The following HSPA12A variants were observed in gnomAD, a reference collection of about 807,000 sequenced individuals.
HSPA12A encodes the protein heat shock 70 kDa protein 12A.
HSPA12A carries 28 observed loss-of-function variants against 69.2 expected under a neutral mutation model. That is an observed-to-expected ratio of 0.40 (90% CI 0.30 to 0.55). The LOEUF (loss-of-function observed/expected upper bound fraction) is 0.55, where lower values mean the gene tolerates loss of function less well. HSPA12A is among the 20% of genes least tolerant of loss of function. The probability of loss-of-function intolerance (pLI) is 0.38; values close to 1 mark genes in which losing one functional copy is unlikely to be tolerated. For synonymous variants in HSPA12A, 345 were observed against 370.5 expected, an observed-to-expected ratio of 0.93 and a Z score of 0.79; for missense variants, 686 against 900.7, an observed-to-expected ratio of 0.76 and a Z score of 3.05.
At chr10:116,798,692 C>T (rs1179740602) in intron 2 of HSPA12A, among the ~76,000 whole-genome samples, 1 of 152,130 alleles carries the variant, frequency 6.6e-6, no homozygotes, top group Non-Finnish European at 1.5e-5. Flanking sequence ...GGTCTCATGA[C>T]TACATTCATT....
intron 2 of HSPA12A, among the ~76,000 whole-genome samples, chr10:116,769,456 A>C (rs951475267): frequency 1.3e-5 from 2 of 152,140 alleles, no homozygotes; most frequent in Admixed American, 6.5e-5. Flanking sequence ...CTTGGGGTGA[A>C]AGGTCCCCAC....
intron 9 of HSPA12A, 127 bp from the exon 10 acceptor site, chr10:116,679,888 T>TAAA: frequency 3.4e-6 from 3 of 879,630 alleles, no homozygotes; most frequent in Non-Finnish European, 5.3e-6. Flanking sequence ...CTATAAGTGT[T>TAAA]TACTTACACT....
upstream of HSPA12A, chr10:116,849,889 A>G (rs1846018812): frequency 3.4e-6 from 3 of 869,828 alleles, no homozygotes; most frequent in Non-Finnish European, 5.6e-6. Context: ...GGAGGGAAGG[A>G]GCGGGAAGGA....
chr10:116,781,688 A>G (rs1243900363), intron 2 of HSPA12A, among the ~76,000 whole-genome samples: 3 of 152,148 alleles, frequency 2.0e-5, no homozygotes, highest in African/African-American at 7.2e-5. Context: ...TCTCTCCTTC[A>G]TTCTCTTGCC....
chr10:116,725,408 T>A (rs1554884849), intron 1 of HSPA12A, among the ~76,000 whole-genome samples: 1 of 152,120 alleles, frequency 6.6e-6, no homozygotes, highest in Non-Finnish European at 1.5e-5. Context: ...CCAGTGTTGT[T>A]CAGTCGCCAG....
At chr10:116,729,567 A>C (rs1287787341) in intron 1 of HSPA12A, among the ~76,000 whole-genome samples, 6 of 152,208 alleles carry the variant, frequency 3.9e-5, no homozygotes, top group African/African-American at 1.2e-4. Context: ...CCTTAACAAT[A>C]ACATAAACAG....
intron 6 of HSPA12A, among the ~76,000 whole-genome samples, chr10:116,684,492 C>A (rs1849518596): frequency 6.6e-6 from 1 of 151,828 alleles, no homozygotes; most frequent in East Asian, 2.0e-4. Flanking sequence ...CTCAGCAACA[C>A]AAGCATTTGA....
At chr10:116,824,377 A>G (rs1318850913) in intron 2 of HSPA12A, among the ~76,000 whole-genome samples, 1 of 152,268 alleles carries the variant, frequency 6.6e-6, no homozygotes, top group Non-Finnish European at 1.5e-5. Flanking sequence ...TAGAGTTACC[A>G]TATGCCCTAG....
At chr10:116,834,105 C>G (rs1004739816) in intron 2 of HSPA12A, among the ~76,000 whole-genome samples, 8 of 152,300 alleles carry the variant, frequency 5.3e-5, no homozygotes, top group African/African-American at 1.9e-4. Context: ...CGCCAGGCCC[C>G]TCCCCCATTC....
chr10:116,768,151 T>C (rs1554889971), intron 2 of HSPA12A, among the ~76,000 whole-genome samples: 3 of 152,276 alleles, frequency 2.0e-5, no homozygotes, highest in Middle Eastern at 3.4e-3. Context: ...CTCCATACAG[T>C]AGAACATTAT....
rs1850837949 is a variant in HSPA12A at position 116,723,234 on chromosome 10, C to A, written c.41-15949G>T. 6.6e-6 allele frequency among the ~76,000 whole-genome samples: 1 copy of A among 151,928 alleles called. No individual in the cohort carries two copies. Among genetic ancestry groups the A allele is most frequent in the African/African-American group, 2.4e-5 (1 of 41,386 alleles). On this transcript the variant is annotated intron_variant, in intron 1 of 11. Coordinates refer to ENST00000369209, the MANE Select transcript of HSPA12A (RefSeq NM_025015.3). The surrounding 1 kb of genome is among the most constrained non-coding windows in gnomAD (Gnocchi z 4.1). Reference sequence around the variant, plus strand: ...CCCCCCCATCATTCCTGTCCTCATACAACCCCCTGCACAGCTGGGCTGTGT... The same window carrying A: ...CCCCCCCATCATTCCTGTCCTCATAAAACCCCCTGCACAGCTGGGCTGTGT...
At chr10:116,677,090 G>T (rs529017937) in intron 10 of HSPA12A, among the ~76,000 whole-genome samples, 3 of 152,202 alleles carry the variant, frequency 2.0e-5, no homozygotes, top group Non-Finnish European at 4.4e-5. Flanking sequence ...ACTTTGGGCA[G>T]ATTAGACTCC....
At chr10:116,685,955 T>C (rs1554879461) in intron 6 of HSPA12A, among the ~76,000 whole-genome samples, 1 of 152,112 alleles carries the variant, frequency 6.6e-6, no homozygotes, top group Non-Finnish European at 1.5e-5. Context: ...CCTAGTACCC[T>C]CAGCTACGGC....
chr10:116,822,165 G>C (rs879271206), intron 2 of HSPA12A, among the ~76,000 whole-genome samples: 6 of 152,200 alleles, frequency 3.9e-5, no homozygotes, highest in Non-Finnish European at 7.3e-5. Context: ...TTCCACACTT[G>C]CTCAAGTCTT....
chr10:116,714,913 C>T (rs1850560923), intron 1 of HSPA12A, among the ~76,000 whole-genome samples: 1 of 152,196 alleles, frequency 6.6e-6, no homozygotes, highest in Admixed American at 6.5e-5. Context: ...TCAGGGACCT[C>T]CACCTCTAAA....
intron 2 of HSPA12A, among the ~76,000 whole-genome samples, chr10:116,751,007 C>T (rs565508973): frequency 1.4e-5 from 2 of 142,464 alleles, no homozygotes; most frequent in East Asian, 4.1e-4. Flanking sequence ...AGAGGAAGAA[C>T]ATGAAGAAGA....
intron 2 of HSPA12A, among the ~76,000 whole-genome samples, chr10:116,766,926 G>A (rs565975581): frequency 2.6e-5 from 4 of 152,114 alleles, no homozygotes; most frequent in Non-Finnish European, 5.9e-5. Flanking sequence ...TCCACCAGTC[G>A]ACCCCAAAAA....
At chr10:116,713,260 A>T (rs897415365) in intron 1 of HSPA12A, among the ~76,000 whole-genome samples, 1 of 151,920 alleles carries the variant, frequency 6.6e-6, no homozygotes, top group African/African-American at 2.4e-5. Flanking sequence ...CTAATGCATT[A>T]TTACTGTAAG....
intron 2 of HSPA12A, among the ~76,000 whole-genome samples, chr10:116,777,014 A>T (rs1379784348): frequency 6.6e-6 from 1 of 152,208 alleles, no homozygotes; most frequent in Non-Finnish European, 1.5e-5. Flanking sequence ...TGCACAGGGG[A>T]AGGAGGTTGT....
Sources: allele counts gnomAD v4.1 joint callset (sites outside exome capture counted in the v4.1 genomes callset), GRCh38; gene constraint gnomAD v4.1.1; non-coding constraint Gnocchi (gnomAD v3.1); transcripts MANE v1.5; gene names NCBI Gene and HGNC (gene_info 2026-07-23, HGNC 2026-07-21).